Variants in AKAP13 observed in about 807,000 individuals in gnomAD.
AKAP13 encodes the protein A-kinase anchoring protein 13, also known as A-kinase anchor protein 13.
In AKAP13, 80 loss-of-function variants were observed where a neutral mutation model predicts 264.5. The observed-to-expected ratio is 0.30, with a 90% CI of 0.25 to 0.36. AKAP13 has a LOEUF of 0.36. AKAP13 is among the 10% of genes least tolerant of loss of function. AKAP13 has a pLI of 1.00. For missense variants in AKAP13, 3,712 were observed against 3,435.2 expected, an observed-to-expected ratio of 1.08 and a Z score of -2.01; for synonymous variants, 1,380 against 1,250.2, an observed-to-expected ratio of 1.10 and a Z score of -2.19.
At chr15:85,409,240 C>T (rs1316869029) in intron 1 of AKAP13, among the ~76,000 whole-genome samples, 2 of 151,742 alleles carry the variant, frequency 1.3e-5, no homozygotes, top group Non-Finnish European at 2.9e-5. Flanking sequence ...TGCATAGGCA[C>T]GATCTCTGCT....
At chr15:85,486,618 T>C (rs1225420995) in intron 2 of AKAP13, among the ~76,000 whole-genome samples, 1 of 152,198 alleles carries the variant, frequency 6.6e-6, no homozygotes, top group African/African-American at 2.4e-5. Context: ...TTGTTTTTGA[T>C]TTCTTTCAAC....
intron 2 of AKAP13, among the ~76,000 whole-genome samples, chr15:85,519,409 A>T (rs2076731495): frequency 6.6e-6 from 1 of 152,114 alleles, no homozygotes; most frequent in African/African-American, 2.4e-5. Flanking sequence ...TTGTCAACCT[A>T]GTCATAGTTT....
At chr15:85,651,036 C>T (rs1052043614) in intron 10 of AKAP13, among the ~76,000 whole-genome samples, 2 of 151,880 alleles carry the variant, frequency 1.3e-5, no homozygotes, top group African/African-American at 4.8e-5. Context: ...GATTAAAGGA[C>T]TAGTATTTTG....
At chr15:85,442,058 T>C (rs1298744903) in intron 1 of AKAP13, among the ~76,000 whole-genome samples, 3 of 152,176 alleles carry the variant, frequency 2.0e-5, no homozygotes, top group Admixed American at 1.3e-4. Context: ...AATCTTATTT[T>C]GCACAGTTAG....
chr15:85,738,617 T>TC (rs2088714787), intron 33 of AKAP13, among the ~76,000 whole-genome samples: 1 of 151,630 alleles, frequency 6.6e-6, no homozygotes, highest in Admixed American at 6.6e-5. Flanking sequence ...GGCGGGTGGA[T>TC]CATGAGGTCA....
intron 33 of AKAP13, 70 bp downstream of exon 33, chr15:85,736,204 T>C: frequency 7.3e-7 from 1 of 1,376,056 alleles, no homozygotes; most frequent in Non-Finnish European, 1.0e-6. Flanking sequence ...ATATTGTTTT[T>C]TCCTTTTTTT....
chr15:85,590,308 A>G (rs1020436599), intron 8 of AKAP13, among the ~76,000 whole-genome samples: 1 of 152,220 alleles, frequency 6.6e-6, no homozygotes, highest in Non-Finnish European at 1.5e-5. Context: ...AACATTCTCT[A>G]AACGTGTAAT....
At chr15:85,661,209 T>G (rs2083328323) in intron 12 of AKAP13, among the ~76,000 whole-genome samples, 1 of 152,176 alleles carries the variant, frequency 6.6e-6, no homozygotes. Context: ...ACACACAATA[T>G]TTTGAATTGA....
intron 1 of AKAP13, among the ~76,000 whole-genome samples, chr15:85,433,117 G>GTTTTTTTTTTTTTTTT (rs199655190): frequency 7.7e-4 from 41 of 53,214 alleles, no homozygotes; most frequent in Admixed American, 1.4e-3. Flanking sequence ...CTTCTGTACA[G>GTTTTTTTTTTTTTTTT]TTTTTTTTTT....
chr15:85,555,502 G>A (rs1191406284), intron 5 of AKAP13: 1 of 1,260,070 alleles, frequency 7.9e-7, no homozygotes, highest in South Asian at 1.2e-5. Flanking sequence ...GTGAGTATCA[G>A]CTTCCAGACC....
chr15:85,489,891 G>A (rs903797532), intron 2 of AKAP13, among the ~76,000 whole-genome samples: 2 of 152,228 alleles, frequency 1.3e-5, no homozygotes, highest in African/African-American at 2.4e-5. Flanking sequence ...CATAAAATGT[G>A]CAGGACCCTG....
chr15:85,581,763 G>T lies in AKAP13; in HGVS notation c.3695G>T (p.Cys1232Phe), dbSNP rs757964494. Reference protein sequence around the residue: ...GRERSTPSLPCMVSAQDAPLP... With the variant: ...GRERSTPSLPFMVSAQDAPLP... ...GAAAGGAGCACTCCCTCTCTACCTT[G>T]CATGGTCTCTGCCCAGGACGCACCT... is the stretch of plus-strand genomic sequence containing the variant. The change falls in exon 7 of 37, where the codon TGC becomes TTC. Residue 1232 changes from cysteine (C) to phenylalanine (F), a missense_variant. Transcript: ENST00000394518. The T allele has an allele frequency of 8.1e-6, 13 of 1,614,068 alleles. No individual in the cohort carries two copies. The Middle Eastern group carries it at 4.9e-4, about 61-fold the overall frequency.
rs199556774 is a variant in AKAP13, at chr15:85,581,973, C to T, written c.3905C>T (p.Thr1302Ile). The change falls in exon 7 of 37, where the codon ACT (threonine) becomes ATT (isoleucine). Residue 1302 changes from threonine to isoleucine, a missense_variant. By Grantham distance (89) the Thr-to-Ile change is moderately conservative. This residue lies in a region of AKAP13 where 2,759 missense variants were observed against 2,411.7 expected (regional missense o/e 1.14). Transcript: ENST00000394518. ...LESAFTEKVSTFPPGESLPMG... is the reference protein window; with the variant it reads ...LESAFTEKVSIFPPGESLPMG... ...AGTGCTTTTACAGAAAAAGTGAGTA[C>T]TTTCCCACCTGGGGAGAGCCTACCA... is the stretch of plus-strand genomic sequence containing the variant. 5.1e-5 allele frequency: 82 copies of T among 1,614,062 alleles called. No homozygotes were observed. The highest frequency in any genetic ancestry group is 6.4e-5 in the Non-Finnish European group (75 of 1,180,030).
intron 27 of AKAP13, 123 bp from the exon 28 acceptor site, chr15:85,726,943 A>G (rs2087654345): frequency 1.0e-6 from 1 of 994,410 alleles, no homozygotes; most frequent in Admixed American, 2.4e-5. Context: ...ATCCTAAAGT[A>G]GCCCTTGTTT....
intron 9 of AKAP13, 105 bp from the exon 10 acceptor site, chr15:85,645,713 G>A: frequency 8.3e-7 from 1 of 1,204,980 alleles, no homozygotes; most frequent in East Asian, 2.5e-5. Flanking sequence ...GTGAGAGAGA[G>A]ATTTAAAAGA....
Position 85,543,009 on chromosome 15 carries a change from G to T in AKAP13, c.479-763G>T, listed in dbSNP as rs1258305395. ...AAATGCCAGATTCGAACCCTGATTTGTCTAACTACAAGCCCTTCCTCATTC... is the reference window on the plus strand; with the variant it reads ...AAATGCCAGATTCGAACCCTGATTTTTCTAACTACAAGCCCTTCCTCATTC... On this transcript the variant is annotated intron_variant, in intron 4 of 36. Coordinates refer to ENST00000394518, the MANE Select transcript of AKAP13 (RefSeq NM_007200.5). Among the ~76,000 whole-genome samples, 4 of 152,190 alleles carry T rather than the reference G, an allele frequency of 2.6e-5. No individual in the cohort carries two copies. In the East Asian group the frequency reaches 5.8e-4, roughly 22 times the overall value.
At chr15:85,604,930 G>C (rs188817163) in intron 8 of AKAP13, among the ~76,000 whole-genome samples, 1 of 152,162 alleles carries the variant, frequency 6.6e-6, no homozygotes, top group African/African-American at 2.4e-5. Context: ...GATGTTTACT[G>C]TAACATCTTC....
At chr15:85,433,999 G>C (rs536536869) in intron 1 of AKAP13, among the ~76,000 whole-genome samples, 52 of 151,980 alleles carry the variant, frequency 3.4e-4, no homozygotes, top group South Asian at 1.0e-3. Flanking sequence ...GAACAGCTCC[G>C]GTCTACAGCT....
intron 1 of AKAP13, among the ~76,000 whole-genome samples, chr15:85,384,695 C>A (rs543609136): frequency 7.0e-5 from 10 of 142,700 alleles, no homozygotes; most frequent in African/African-American, 1.8e-4. Context: ...CCAGTCTGGG[C>A]GACAGAGCGA....
Sources: gnomAD v4.1 joint callset for allele counts (sites outside exome capture counted in the v4.1 genomes callset) on GRCh38, gnomAD v4.1.1 for gene constraint, gnomAD v4.1.1 regional missense constraint, MANE v1.5 for transcripts, NCBI Gene and HGNC (gene_info 2026-07-23, HGNC 2026-07-21) for gene names.